The following EPHA2 variants were observed in gnomAD, a reference collection of about 807,000 sequenced individuals.
EPHA2 encodes ephrin type-A receptor 2.
A neutral mutation model predicts 104.9 loss-of-function variants in EPHA2; 54 were observed. The ratio of observed to expected loss-of-function variants is 0.51; its 90% CI spans 0.41 to 0.65. EPHA2 has a LOEUF of 0.65. Among genes scored for constraint, EPHA2 ranks in the 30% least tolerant of loss-of-function variants. The pLI, the probability that EPHA2 is intolerant of heterozygous loss-of-function variation, is 0.00. For missense variants in EPHA2, 1,117 were observed against 1,369.5 expected (o/e 0.82, Z 2.91); for synonymous variants, 560 against 559.1 (o/e 1.00, Z -0.02).
Position 16,156,013 on chromosome 1 carries a change from C to A in EPHA2, c.-81G>T, listed in dbSNP as rs748513356. On this transcript the variant is annotated 5_prime_UTR_variant, in exon 1 of 17. Transcript: ENST00000358432. ...ACGCCTGCACGCCGGCCTCGGTGTC[C>A]GCTCCCGCCCGCCGGCCTGCGCGCA... 263 of 1,227,824 alleles carry A rather than the reference C, an allele frequency of 2.1e-4. 2 individuals carry two copies. Among genetic ancestry groups the A allele is most frequent in the Non-Finnish European group, 2.8e-4 (258 of 934,106 alleles). 76.1% of individuals were successfully genotyped at this position (1,227,824 alleles called of 1,614,324 possible). A position where few individuals can be genotyped will look rare whatever the true frequency, so the allele number is the denominator to read the frequency against.
chr1:16,134,667 T>C lies in EPHA2; in HGVS notation c.1583-100A>G. The C allele has an allele frequency of 7.8e-7, 1 of 1,287,780 alleles. No homozygotes were observed. The highest frequency in any genetic ancestry group is 2.5e-5 in the East Asian group (1 of 39,944). The allele number at this position is 1,287,780 out of a possible 1,614,324, so 79.8% of individuals were successfully genotyped here. A position where few individuals can be genotyped will look rare whatever the true frequency, so the allele number is the denominator to read the frequency against. On this transcript the variant is annotated intron_variant, in intron 7 of 16. Coordinates refer to ENST00000358432, the MANE Select transcript of EPHA2 (RefSeq NM_004431.5). This position sits in a 1 kb window ranked among gnomAD's most constrained non-coding sequence, Gnocchi z 4.5. ...ACCTGGGCCCCTACTGTGTGCTGGG[T>C]GCTTGCACTTGGGAAGGCTCCAGAG... is the stretch of plus-strand genomic sequence containing the variant.
rs150425443 is a variant in EPHA2 at position 16,148,790 on chromosome 1, G to A, written c.411C>T (p.Arg137=). Residue 137 remains arginine (R), a synonymous_variant, in exon 3 of 17, where the codon CGC becomes CGT. Coordinates refer to ENST00000358432, the MANE Select transcript of EPHA2 (RefSeq NM_004431.5). The surrounding 1 kb of genome is among the most constrained non-coding windows in gnomAD (Gnocchi z 4.9). ...DLDYGTNFQK[R]LFTKIDTIAP... is the part of the protein sequence containing the mutation. ...CAATGGTGTCAATCTTGGTGAACAG[G>A]CGCTTCTGGAAGTTGGTGCCGTAGT... The A allele has an allele frequency of 9.6e-5, 155 of 1,614,138 alleles. No individual in the cohort carries two copies. Among genetic ancestry groups the A allele is most frequent in the Non-Finnish European group, 1.2e-4 (146 of 1,180,040 alleles).
rs548336056 is a variant in EPHA2, at chr1:16,125,378, G to C, written c.2826-58C>G. 9.7e-6 allele frequency: 10 copies of C among 1,034,578 alleles called. No homozygotes were observed. In the African/African-American group the frequency reaches 1.4e-4, roughly 15 times the overall value. The allele number at this position is 1,034,578 out of a possible 1,614,324, so 64.1% of individuals were successfully genotyped here. A position where few individuals can be genotyped will look rare whatever the true frequency, so the allele number is the denominator to read the frequency against. ...GGGCTGGAGCAGGGGAGGGGGCCGGGCTGGGTGGGGACAGGACTCGGTGGG... is the reference window on the plus strand; with the variant it reads ...GGGCTGGAGCAGGGGAGGGGGCCGGCCTGGGTGGGGACAGGACTCGGTGGG... On this transcript the variant is annotated intron_variant, in intron 16 of 16. Coordinates refer to ENST00000358432, the MANE Select transcript of EPHA2 (RefSeq NM_004431.5). The surrounding 1 kb of genome is among the most constrained non-coding windows in gnomAD (Gnocchi z 4.9).
chr1:16,130,134 C>T lies in EPHA2; in HGVS notation c.2669+92G>A. 6.4e-7 allele frequency: 1 copy of T among 1,557,922 alleles called. No homozygotes were observed. The highest frequency in any genetic ancestry group is 8.8e-7 in the Non-Finnish European group (1 of 1,132,052). Reference sequence around the variant, plus strand: ...TCTTAGCCCCCAGCACCCCCCCTACCAGCTTCACCTGGGTGGCCACTCTAC... The same window carrying T: ...TCTTAGCCCCCAGCACCCCCCCTACTAGCTTCACCTGGGTGGCCACTCTAC... On this transcript the variant is annotated intron_variant, in intron 15 of 16. Coordinates refer to ENST00000358432, the MANE Select transcript of EPHA2 (RefSeq NM_004431.5). The surrounding 1 kb of genome is among the most constrained non-coding windows in gnomAD (Gnocchi z 4.5).
chr1:16,135,729 G>A lies in EPHA2; in HGVS notation c.1354C>T (p.Leu452Phe), dbSNP rs757607113. ...VRLEGRSTTS[L>F]SVSWSIPPPQ... Reference sequence around the variant, plus strand: ...GGGGGGATGCTCCAGGAGACGCTAAGCGAGGTGGTGCTGCGGCCCTCCAGC... The same window carrying A: ...GGGGGGATGCTCCAGGAGACGCTAAACGAGGTGGTGCTGCGGCCCTCCAGC... Residue 452 changes from leucine (L) to phenylalanine (F), a missense_variant, in exon 6 of 17, where the codon CTT becomes TTT. Leu to Phe is a conservative substitution (Grantham distance 22). Coordinates refer to ENST00000358432, the MANE Select transcript of EPHA2 (RefSeq NM_004431.5). This position sits in a 1 kb window ranked among gnomAD's most constrained non-coding sequence, Gnocchi z 4.3. 1 of 1,613,510 alleles carries A rather than the reference G, an allele frequency of 6.2e-7. No individual in the cohort carries two copies. The highest frequency in any genetic ancestry group is 1.7e-5 in the Admixed American group (1 of 60,016).
At chr1:16,153,211 A>G (rs2025077263) in intron 1 of EPHA2, 1 of 984,734 alleles carries the variant, frequency 1.0e-6, no homozygotes, top group African/African-American at 1.8e-5. Context: ...ACATTGCTCC[A>G]CAGCTTCTTC....
At position 16,155,907 on chromosome 1, in the gene EPHA2, C is replaced by A; in HGVS notation, c.26G>T (p.Cys9Phe). 1 of 1,487,830 alleles carries A rather than the reference C, an allele frequency of 6.7e-7. No individual in the cohort carries two copies. The highest frequency in any genetic ancestry group is 2.9e-5 in the East Asian group (1 of 34,850). 92.2% of individuals were successfully genotyped at this position (1,487,830 alleles called of 1,614,324 possible). A position where few individuals can be genotyped will look rare whatever the true frequency, so the allele number is the denominator to read the frequency against. The change falls in exon 1 of 17, where the codon TGC becomes TTC. Residue 9 changes from cysteine to phenylalanine, a missense_variant. Coordinates refer to ENST00000358432, the MANE Select transcript of EPHA2 (RefSeq NM_004431.5). MELQAARA[C>F]FALLWGCALA... Reference sequence around the variant, plus strand: ...CGCACAGCCCCACAGCAGGGCGAAGCAGGCGCGGGCTGCCTGGAGCTCCAT... The same window carrying A: ...CGCACAGCCCCACAGCAGGGCGAAGAAGGCGCGGGCTGCCTGGAGCTCCAT...
chr1:16,132,438 G>A lies in EPHA2; in HGVS notation c.2055C>T (p.Tyr685=). Residue 685 remains tyrosine, a splice_region_variant and synonymous_variant, in exon 12 of 17, where the codon TAC becomes TAT. Transcript: ENST00000358432. ...ACTCAGTGATGATCATCATGGGCTT[G>A]TCTGTAGGGGGGTGGGCACAGGTGA... ...IIRLEGVISK[Y]KPMMIITEYM... 6.2e-7 allele frequency: 1 copy of A among 1,613,928 alleles called. No homozygotes were observed. The highest frequency in any genetic ancestry group is 8.5e-7 in the Non-Finnish European group (1 of 1,180,024).
intron 3 of EPHA2, among the ~76,000 whole-genome samples, chr1:16,142,445 G>A (rs1414284290): frequency 6.6e-6 from 1 of 152,240 alleles, no homozygotes; most frequent in African/African-American, 2.4e-5. Flanking sequence ...GTGTCCCATG[G>A]CCCAGCGGTG....
intron 15 of EPHA2, 94 bp from the exon 16 acceptor site, chr1:16,129,683 C>T: frequency 6.8e-7 from 1 of 1,461,988 alleles, no homozygotes; most frequent in Non-Finnish European, 9.1e-7. Flanking sequence ...ATTGACTCGG[C>T]TGCCCCGTGC....
At chr1:16,140,300 A>G (rs2024798342) in intron 3 of EPHA2, among the ~76,000 whole-genome samples, 1 of 152,204 alleles carries the variant, frequency 6.6e-6, no homozygotes, top group Non-Finnish European at 1.5e-5. Context: ...GCTCAGGCAC[A>G]TAGGGCAGGG....
Position 16,132,093 on chromosome 1 carries a change from C to T in EPHA2, c.2296G>A (p.Asp766Asn). 1 of 1,614,088 alleles carries T rather than the reference C, an allele frequency of 6.2e-7. No individual in the cohort carries two copies. The highest frequency in any genetic ancestry group is 1.1e-5 in the South Asian group (1 of 91,084). Reference sequence around the variant, plus strand: ...GTGGTGTAGGTGGCCTCGGGGTCGTCCTCCAGCACGCGGGACAGGCCAAAG... The same window carrying T: ...GTGGTGTAGGTGGCCTCGGGGTCGTTCTCCAGCACGCGGGACAGGCCAAAG... Reference protein sequence around the residue: ...SDFGLSRVLEDDPEATYTTSG... With the variant: ...SDFGLSRVLENDPEATYTTSG... Residue 766 changes from aspartate (D) to asparagine (N), a missense_variant, in exon 13 of 17, where the codon GAC (aspartate) becomes AAC (asparagine). By Grantham distance (23) the Asp-to-Asn change is conservative. Around this residue, in one of 3 missense-constraint regions of EPHA2, gnomAD observed 340 missense variants for 480.5 expected, o/e 0.71. Transcript: ENST00000358432.
chr1:16,132,457 C>T lies in EPHA2; in HGVS notation c.2054-18G>A. 6.2e-7 allele frequency: 1 copy of T among 1,613,378 alleles called. No individual in the cohort carries two copies. On this transcript the variant is annotated intron_variant, in intron 11 of 16. Transcript: ENST00000358432. The stretch of plus-strand genomic sequence containing the variant: ...GGGCTTGTCTGTAGGGGGGTGGGCA[C>T]AGGTGAGAGGTAAGTGGGCCCAGGC...
rs377224576 is a variant in EPHA2 at position 16,154,150 on chromosome 1, C to T, written c.85+1698G>A. ...AAGCACCCGCCTAATCCCCCACCCC[C>T]CCATGGGCAGCCGAGGAGAAAGGCC... On this transcript the variant is annotated intron_variant, in intron 1 of 16. Transcript: ENST00000358432. Among the ~76,000 whole-genome samples, 64 of 152,238 alleles carry T rather than the reference C, an allele frequency of 4.2e-4. No individual in the cohort carries two copies. In the Middle Eastern group the frequency reaches 0.01, roughly 24 times the overall value.
rs11806394 is a variant in EPHA2 at position 16,150,768 on chromosome 1, G to A, written c.153+128C>T. Reference sequence around the variant, plus strand: ...CCTGGTGTGAGAAGCTGGACCCTGAGCCTGAGACCTGGCTGAGCTGCTGAA... The same window carrying A: ...CCTGGTGTGAGAAGCTGGACCCTGAACCTGAGACCTGGCTGAGCTGCTGAA... On this transcript the variant is annotated intron_variant, in intron 2 of 16. Coordinates refer to ENST00000358432, the MANE Select transcript of EPHA2 (RefSeq NM_004431.5). This position sits in a 1 kb window ranked among gnomAD's most constrained non-coding sequence, Gnocchi z 4.8. The A allele has an allele frequency of 1.6e-3, 1,749 of 1,073,712 alleles. 18 individuals carry two copies. In the African/African-American group the frequency reaches 0.022, roughly 14 times the overall value. The allele number at this position is 1,073,712 out of a possible 1,614,324, so 66.5% of individuals were successfully genotyped here. A position where few individuals can be genotyped will look rare whatever the true frequency, so the allele number is the denominator to read the frequency against.
In EPHA2 at chr1:16,133,378, G is replaced by T. The variant is rs778049988; in HGVS notation, c.1865-10C>A. On this transcript the variant is annotated splice_polypyrimidine_tract_variant and intron_variant, in intron 10 of 16. Transcript: ENST00000358432. ...ACCTCCCCAAACTCTCCTGTGGGCAGACAGGGTCAGGGGAGTGCCCTGGTC... is the reference window on the plus strand; with the variant it reads ...ACCTCCCCAAACTCTCCTGTGGGCATACAGGGTCAGGGGAGTGCCCTGGTC... The T allele has an allele frequency of 3.7e-6, 6 of 1,613,844 alleles. No homozygotes were observed. The East Asian group carries it at 1.3e-4, about 36-fold the overall frequency.
Position 16,129,469 on chromosome 1 carries a change from G to A in EPHA2, c.2790C>T (p.Tyr930=), listed in dbSNP as rs755487902. 10 of 1,613,810 alleles carry A rather than the reference G, an allele frequency of 6.2e-6. No homozygotes were observed. Among genetic ancestry groups the A allele is most frequent in the East Asian group, 4.5e-5 (2 of 44,864 alleles). Reference sequence around the variant, plus strand: ...TCTGCACCACCTTCTCGATGGCAGTGTAGCCGGCCGCCATGAAGTGCTCCG... The same window carrying A: ...TCTGCACCACCTTCTCGATGGCAGTATAGCCGGCCGCCATGAAGTGCTCCG... ...QYTEHFMAAG[Y]TAIEKVVQMT... The change falls in exon 16 of 17, where the codon TAC becomes TAT. Residue 930 remains tyrosine, a synonymous_variant. Coordinates refer to ENST00000358432, the MANE Select transcript of EPHA2 (RefSeq NM_004431.5).
chr1:16,148,361 C>A lies in EPHA2; in HGVS notation c.823+17G>T. On this transcript the variant is annotated intron_variant, in intron 3 of 16. Transcript: ENST00000358432. This position sits in a 1 kb window ranked among gnomAD's most constrained non-coding sequence, Gnocchi z 4.9. Reference sequence around the variant, plus strand: ...AATGCAGAACCCCCTTCCCTGCAACCCAGAACCGTCACTCACCCTGGCAGG... The same window carrying A: ...AATGCAGAACCCCCTTCCCTGCAACACAGAACCGTCACTCACCCTGGCAGG... 1 of 1,613,292 alleles carries A rather than the reference C, an allele frequency of 6.2e-7. No individual in the cohort carries two copies. The highest frequency in any genetic ancestry group is 8.5e-7 in the Non-Finnish European group (1 of 1,180,020).
rs1372233603 is a variant in EPHA2 at position 16,131,443 on chromosome 1, G to A, written c.2475+278C>T. Among the ~76,000 whole-genome samples, 2 of 152,184 alleles carry A rather than the reference G, an allele frequency of 1.3e-5. No homozygotes were observed. The highest frequency in any genetic ancestry group is 2.9e-5 in the Non-Finnish European group (2 of 68,040). ...AAAAATACAAAAATTAGCTGGGTGT[G>A]GTGGCGCATGCCTGTAATCCCAGCT... On this transcript the variant is annotated intron_variant, in intron 14 of 16. Coordinates refer to ENST00000358432, the MANE Select transcript of EPHA2 (RefSeq NM_004431.5). The surrounding 1 kb of genome is among the most constrained non-coding windows in gnomAD (Gnocchi z 5.2).
Sources: allele counts gnomAD v4.1 joint callset (sites outside exome capture counted in the v4.1 genomes callset), GRCh38; gene constraint gnomAD v4.1.1; regional missense constraint gnomAD v4.1.1; non-coding constraint Gnocchi (gnomAD v3.1); transcripts MANE v1.5; gene names NCBI Gene and HGNC (gene_info 2026-07-23, HGNC 2026-07-21).